Variants in NFIA observed in about 807,000 individuals in gnomAD.
The protein encoded by NFIA is nuclear factor 1 A-type.
Under a neutral mutation model 62.8 loss-of-function variants are expected in NFIA, and 8 were observed. That is an observed-to-expected ratio of 0.13 (90% confidence interval 0.07 to 0.23). The LOEUF (loss-of-function observed/expected upper bound fraction) is 0.23. Among genes scored for constraint, NFIA ranks in the 10% least tolerant of loss-of-function variants. NFIA has a pLI of 1.00. For synonymous variants in NFIA, 235 were observed against 238.1 expected, an observed-to-expected ratio of 0.99 and a Z score of 0.12; for missense variants, 410 against 642.1, an observed-to-expected ratio of 0.64 and a Z score of 3.91.
intron 2 of NFIA, among the ~76,000 whole-genome samples, chr1:61,206,517 T>C (rs1379833922): frequency 6.6e-6 from 1 of 152,222 alleles, no homozygotes; most frequent in African/African-American, 2.4e-5. Flanking sequence ...TAGCATTTTA[T>C]CTCTTTTGGA....
intron 2 of NFIA, among the ~76,000 whole-genome samples, chr1:61,168,285 T>C (rs1649720498): frequency 6.6e-6 from 1 of 152,208 alleles, no homozygotes; most frequent in African/African-American, 2.4e-5. Context: ...GACTTATGTT[T>C]ACATTATTTT....
At chr1:61,266,329 T>C (rs962081161) in intron 2 of NFIA, among the ~76,000 whole-genome samples, 1 of 152,164 alleles carries the variant, frequency 6.6e-6, no homozygotes, top group Non-Finnish European at 1.5e-5. Flanking sequence ...TATTGTATTT[T>C]ATGGCTCTGA....
At chr1:61,305,350 C>G (rs1420626934) in intron 3 of NFIA, among the ~76,000 whole-genome samples, 1 of 152,126 alleles carries the variant, frequency 6.6e-6, no homozygotes. Flanking sequence ...CATTACCATG[C>G]CCCCCAAAGC....
intron 2 of NFIA, among the ~76,000 whole-genome samples, chr1:61,175,299 A>G (rs988444339): frequency 1.3e-4 from 19 of 151,584 alleles, no homozygotes; most frequent in African/African-American, 4.6e-4. Context: ...GCACCACCAC[A>G]CCCATCTAAT....
At chr1:61,189,166 G>A (rs893883778) in intron 2 of NFIA, among the ~76,000 whole-genome samples, 2 of 152,178 alleles carry the variant, frequency 1.3e-5, no homozygotes, top group Admixed American at 1.3e-4. Flanking sequence ...AGTGGTCTTG[G>A]CAGGTCGTGG....
intron 3 of NFIA, among the ~76,000 whole-genome samples, chr1:61,309,491 CA>C (rs35779753): frequency 3.1e-4 from 46 of 147,100 alleles, no homozygotes; most frequent in Admixed American, 8.9e-4. Context: ...ACAACAACAA[CA>C]AAAAAAAAAA....
chr1:61,410,995 C>T (rs1219568407), intron 9 of NFIA, among the ~76,000 whole-genome samples: 4 of 152,192 alleles, frequency 2.6e-5, no homozygotes, highest in South Asian at 2.1e-4. Flanking sequence ...ACCTCAACTC[C>T]CTTATGTATT....
chr1:61,440,514 C>T (rs955027745), intron 10 of NFIA, among the ~76,000 whole-genome samples: 3 of 152,092 alleles, frequency 2.0e-5, no homozygotes, highest in Admixed American at 1.3e-4. Context: ...TAACGTAGAA[C>T]GTTCTTTTAA....
upstream of NFIA, chr1:61,077,535 G>C: frequency 1.8e-6 from 2 of 1,118,344 alleles, no homozygotes. Context: ...AGTTTATTTA[G>C]ATATTTTTTA....
intron 1 of NFIA, among the ~76,000 whole-genome samples, chr1:61,086,903 G>T (rs1178347265): frequency 6.6e-6 from 1 of 152,020 alleles, no homozygotes; most frequent in Non-Finnish European, 1.5e-5. Context: ...ACACCATTTA[G>T]CAAAAAAGCC....
At chr1:61,143,085 T>TG (rs975099219) in intron 2 of NFIA, among the ~76,000 whole-genome samples, 2 of 152,208 alleles carry the variant, frequency 1.3e-5, no homozygotes, top group African/African-American at 4.8e-5. Context: ...AATGCTCTTT[T>TG]GGGCTTTTCC....
At chr1:61,308,686 T>G (rs972626363) in intron 3 of NFIA, among the ~76,000 whole-genome samples, 3 of 152,190 alleles carry the variant, frequency 2.0e-5, no homozygotes, top group Admixed American at 6.5e-5. Context: ...GCAAATCATT[T>G]AAACTTTCTG....
At chr1:61,325,248 C>A (rs1439075904) in intron 3 of NFIA, among the ~76,000 whole-genome samples, 1 of 152,098 alleles carries the variant, frequency 6.6e-6, no homozygotes, top group Non-Finnish European at 1.5e-5. Context: ...TTAAACTCAC[C>A]TTTTTATTTT....
At chr1:61,270,649 C>T (rs1657447904) in intron 2 of NFIA, among the ~76,000 whole-genome samples, 1 of 152,138 alleles carries the variant, frequency 6.6e-6, no homozygotes, top group African/African-American at 2.4e-5. Context: ...AAGTATATAT[C>T]ATCCTGTTGA....
chr1:61,221,610 G>A (rs936699213), intron 2 of NFIA, among the ~76,000 whole-genome samples: 2 of 152,058 alleles, frequency 1.3e-5, no homozygotes, highest in Admixed American at 1.3e-4. Context: ...GAAGATAAAT[G>A]GTGGATTTTA....
At chr1:61,355,323 A>C (rs915702645) in intron 5 of NFIA, among the ~76,000 whole-genome samples, 1 of 152,110 alleles carries the variant, frequency 6.6e-6, no homozygotes, top group African/African-American at 2.4e-5. Context: ...CAATAGATAG[A>C]TAGGTAGGTA....
chr1:61,436,338 A>T (rs1053367334), intron 10 of NFIA, among the ~76,000 whole-genome samples: 1 of 152,216 alleles, frequency 6.6e-6, no homozygotes, highest in African/African-American at 2.4e-5. Flanking sequence ...GCCCTGCTGC[A>T]TGAACTTTGA....
chr1:61,219,823 G>C (rs2100615734), intron 2 of NFIA, among the ~76,000 whole-genome samples: 1 of 152,020 alleles, frequency 6.6e-6, no homozygotes, highest in Admixed American at 6.5e-5. Context: ...AATTAGTGGG[G>C]CGCAGTGGCC....
chr1:61,431,903 C>T (rs1224950278), intron 10 of NFIA, among the ~76,000 whole-genome samples: 2 of 152,184 alleles, frequency 1.3e-5, no homozygotes, highest in African/African-American at 4.8e-5. Flanking sequence ...AAGTTCCTTT[C>T]TTCAGTCATT....
Sources: gnomAD v4.1 joint callset for allele counts (sites outside exome capture counted in the v4.1 genomes callset) on GRCh38, gnomAD v4.1.1 for gene constraint, MANE v1.5 for transcripts, NCBI Gene and HGNC (gene_info 2026-07-23, HGNC 2026-07-21) for gene names.